Variants in PTPRN2 observed in about 807,000 individuals in gnomAD.
The protein encoded by PTPRN2 is protein tyrosine phosphatase receptor type N2, also known as receptor-type tyrosine-protein phosphatase N2.
In PTPRN2, 74 loss-of-function variants were observed where a neutral mutation model predicts 118.8. The ratio of observed to expected loss-of-function variants is 0.62; its 90% CI spans 0.52 to 0.76. The LOEUF (loss-of-function observed/expected upper bound fraction) is 0.76, where lower values mean the gene tolerates loss of function less well. Among genes scored for constraint, PTPRN2 ranks in the 30% least tolerant of loss-of-function variants. The pLI, the probability that PTPRN2 is intolerant of heterozygous loss-of-function variation, is 0.00. For missense variants in PTPRN2, 1,481 were observed against 1,394.4 expected, an observed-to-expected ratio of 1.06 and a Z score of -0.99; for synonymous variants, 641 against 608.0, an observed-to-expected ratio of 1.05 and a Z score of -0.80.
intron 3 of PTPRN2, among the ~76,000 whole-genome samples, chr7:158,207,482 C>CA (rs1827248911): frequency 6.6e-6 from 1 of 151,940 alleles, no homozygotes; most frequent in Non-Finnish European, 1.5e-5. Context: ...TTCTGCACAG[C>CA]AAAAGAAACT....
intron 1 of PTPRN2, among the ~76,000 whole-genome samples, chr7:158,534,984 G>A (rs1206878730): frequency 1.3e-5 from 2 of 152,172 alleles, no homozygotes; most frequent in African/African-American, 4.8e-5. Context: ...ACCTCAGTAT[G>A]CCCTCGCAGA....
At chr7:157,631,826 C>A (rs993382560) in intron 14 of PTPRN2, among the ~76,000 whole-genome samples, 1 of 144,158 alleles carries the variant, frequency 6.9e-6, no homozygotes, top group Admixed American at 6.8e-5. Flanking sequence ...AGCGAGACTC[C>A]GTCTCAAAAA....
At chr7:158,393,038 C>T (rs1187805118) in intron 2 of PTPRN2, among the ~76,000 whole-genome samples, 1 of 152,120 alleles carries the variant, frequency 6.6e-6, no homozygotes, top group African/African-American at 2.4e-5. Context: ...CTGCCCAGGC[C>T]CCTGTGCCTG....
chr7:157,769,652 C>T (rs561777746), intron 12 of PTPRN2, among the ~76,000 whole-genome samples: 1 of 152,188 alleles, frequency 6.6e-6, no homozygotes. Context: ...AAAACACACC[C>T]ACACATCTTC....
At position 158,133,679 on chromosome 7, in the gene PTPRN2, T is replaced by G. The variant is rs149307075; in HGVS notation, c.1554A>C (p.Arg518Ser). 1 of 1,573,540 alleles carries G rather than the reference T, an allele frequency of 6.4e-7. No individual in the cohort carries two copies. Among genetic ancestry groups the G allele is most frequent in the Non-Finnish European group, 8.6e-7 (1 of 1,160,024 alleles). Residue 518 changes from arginine to serine, a missense_variant and splice_region_variant, in exon 9 of 23, where the codon AGA becomes AGC. By Grantham distance (110) the Arg-to-Ser change is moderately radical. Coordinates refer to ENST00000389418, the MANE Select transcript of PTPRN2 (RefSeq NM_002847.5). Reference protein sequence around the residue: ...EEARGYIVTDRDPLRPEEGRR... With the variant: ...EEARGYIVTDSDPLRPEEGRR... ...GCTTAGCCAGGGCTGCTACTCACTCTCTGTCTGTCACGATGTAGCCCCGCG... is the reference window on the plus strand; with the variant it reads ...GCTTAGCCAGGGCTGCTACTCACTCGCTGTCTGTCACGATGTAGCCCCGCG...
At chr7:158,072,094 C>T (rs892792598) in intron 11 of PTPRN2, among the ~76,000 whole-genome samples, 10 of 130,708 alleles carry the variant, frequency 7.7e-5, no homozygotes, top group Non-Finnish European at 1.6e-4. Flanking sequence ...TGGAGGTGCT[C>T]GTAGTATGGA....
At position 158,475,805 on chromosome 7, in the gene PTPRN2, C is replaced by A. The variant is rs538348349; in HGVS notation, c.163+13930G>T. 3.9e-4 allele frequency among the ~76,000 whole-genome samples: 60 copies of A among 152,292 alleles called. 1 individual carries two copies. The South Asian group carries it at 0.012, about 32-fold the overall frequency. On this transcript the variant is annotated intron_variant, in intron 2 of 22. Transcript: ENST00000389418. ...TTATTCTCTTAGTGGGGATTCCAGT[C>A]CAGTCTACATAAGCATCATTAAGGC...
At chr7:157,722,185 C>T (rs1268311880) in intron 12 of PTPRN2, among the ~76,000 whole-genome samples, 4 of 152,230 alleles carry the variant, frequency 2.6e-5, no homozygotes, top group African/African-American at 7.2e-5. Context: ...CGAGGAGGCT[C>T]GTGGCACCCA....
intron 11 of PTPRN2, among the ~76,000 whole-genome samples, chr7:158,076,851 T>C (rs1812398803): frequency 6.6e-6 from 1 of 152,184 alleles, no homozygotes; most frequent in African/African-American, 2.4e-5. Flanking sequence ...GGGGAGCTTC[T>C]GGAGGGCAGG....
intron 17 of PTPRN2, 109 bp from the exon 18 acceptor site, chr7:157,578,249 A>G (rs1800163744): frequency 7.7e-7 from 1 of 1,296,672 alleles, no homozygotes. Context: ...TTCACAGGAC[A>G]TTTATTTCAT....
At chr7:158,129,387 CACACACT>C (rs1817980321) in intron 9 of PTPRN2, among the ~76,000 whole-genome samples, 1 of 151,214 alleles carries the variant, frequency 6.6e-6, no homozygotes, top group South Asian at 2.1e-4. Context: ...CAACACACAC[CACACACT>C]ACACACAACA....
intron 12 of PTPRN2, among the ~76,000 whole-genome samples, chr7:157,782,157 G>A (rs554712648): frequency 1.3e-5 from 2 of 152,360 alleles, no homozygotes; most frequent in Non-Finnish European, 2.9e-5. Context: ...CTCTGCACAG[G>A]ACCGTAGACC....
At chr7:158,251,754 T>C (rs1377072947) in intron 3 of PTPRN2, among the ~76,000 whole-genome samples, 3 of 152,086 alleles carry the variant, frequency 2.0e-5, no homozygotes, top group African/African-American at 7.2e-5. Context: ...GCAATGGATG[T>C]ATATGGTGCA....
At chr7:157,628,038 A>G (rs929308701) in intron 14 of PTPRN2, among the ~76,000 whole-genome samples, 4 of 152,318 alleles carry the variant, frequency 2.6e-5, no homozygotes, top group African/African-American at 9.6e-5. Context: ...TTTCTAGCTC[A>G]TCCTACGAGA....
At position 157,881,098 on chromosome 7, in the gene PTPRN2, G is replaced by A. The variant is rs376172525; in HGVS notation, c.1788+17575C>T. Among the ~76,000 whole-genome samples the A allele has an allele frequency of 4.1e-5, 6 of 146,238 alleles. No homozygotes were observed. The highest frequency in any genetic ancestry group is 1.4e-4 in the African/African-American group (5 of 36,012). On this transcript the variant is annotated intron_variant, in intron 12 of 22. Coordinates refer to ENST00000389418, the MANE Select transcript of PTPRN2 (RefSeq NM_002847.5). This position sits in a 1 kb window ranked among gnomAD's most constrained non-coding sequence, Gnocchi z 4.7. ...AGGTCATGAGGATATGTGGAGATGG[G>A]GGTGTTTACAGTAGTCATTATGATA...
intron 9 of PTPRN2, among the ~76,000 whole-genome samples, chr7:158,132,633 C>A (rs1479913125): frequency 6.6e-6 from 1 of 151,916 alleles, no homozygotes; most frequent in African/African-American, 2.4e-5. Context: ...CTCATATACA[C>A]AGATGCAGAT....
intron 3 of PTPRN2, among the ~76,000 whole-genome samples, chr7:158,313,948 G>A (rs1802082249): frequency 6.6e-6 from 1 of 152,122 alleles, no homozygotes. Context: ...TTTCTAGTTT[G>A]TCAGGCTGAG....
At chr7:158,007,780 G>A (rs1004977161) in intron 11 of PTPRN2, among the ~76,000 whole-genome samples, 2 of 150,450 alleles carry the variant, frequency 1.3e-5, no homozygotes, top group Non-Finnish European at 3.0e-5. Flanking sequence ...TGTGCTGTGT[G>A]TGGCTGTGTG....
chr7:157,975,912 C>A (rs986915256), intron 11 of PTPRN2, among the ~76,000 whole-genome samples: 8 of 152,200 alleles, frequency 5.3e-5, no homozygotes, highest in African/African-American at 1.7e-4. Context: ...AGGACAGCCA[C>A]AAACTAGAGA....
Sources: gnomAD v4.1 joint callset for allele counts (sites outside exome capture counted in the v4.1 genomes callset) on GRCh38, gnomAD v4.1.1 for gene constraint, Gnocchi (gnomAD v3.1) non-coding constraint, MANE v1.5 for transcripts, NCBI Gene and HGNC (gene_info 2026-07-23, HGNC 2026-07-21) for gene names.